Variants in TMEM141 observed in about 807,000 individuals in gnomAD.
TMEM141 encodes the protein transmembrane protein 141.
A neutral mutation model predicts 15.9 loss-of-function variants in TMEM141; 18 were observed. The ratio of observed to expected loss-of-function variants is 1.13; its 90% CI spans 0.78 to 1.68. The LOEUF (loss-of-function observed/expected upper bound fraction) is 1.68. TMEM141 is among the 40% of genes most tolerant of loss of function. The pLI, the probability that TMEM141 is intolerant of heterozygous loss-of-function variation, is 0.00. For synonymous variants in TMEM141, 69 were observed against 54.0 expected, an observed-to-expected ratio of 1.28 and a Z score of -1.22; for missense variants, 161 against 139.5, an observed-to-expected ratio of 1.15 and a Z score of -0.78.
chr9:136,792,220 C>T (rs3739946), intron 3 of TMEM141, 31 bp from the exon 4 acceptor site: 284 of 1,533,972 alleles, frequency 1.9e-4, no homozygotes, highest in Non-Finnish European at 2.4e-4. Flanking sequence ...AGCACAGAGG[C>T]CCCAGCCCTC....
intron 3 of TMEM141, 82 bp downstream of exon 3, chr9:136,792,112 C>T: frequency 6.3e-7 from 1 of 1,576,248 alleles, no homozygotes; most frequent in Non-Finnish European, 8.7e-7. Context: ...GCGTCCCTGA[C>T]TCTGACATGG....
chr9:136,792,065 A>T, intron 3 of TMEM141, 35 bp downstream of exon 3: 2 of 1,603,978 alleles, frequency 1.2e-6, no homozygotes, highest in Non-Finnish European at 8.5e-7. Flanking sequence ...GGGCTCTTTG[A>T]GGGGTGGGTT....
Position 136,792,785 on chromosome 9 carries a change from G to A in TMEM141, c.314-34G>A, listed in dbSNP as rs774032352. ...ACAGGGATGCCCAGCCACGATGGAT[G>A]TGGTTCGAGCTTGTCTCTCTTTGCC... On this transcript the variant is annotated intron_variant, in intron 4 of 4. Coordinates refer to ENST00000290079, the MANE Select transcript of TMEM141 (RefSeq NM_032928.4). 2.0e-6 allele frequency: 3 copies of A among 1,513,898 alleles called. No individual in the cohort carries two copies. The South Asian group carries it at 3.8e-5, about 19-fold the overall frequency. 93.8% of individuals were successfully genotyped at this position (1,513,898 alleles called of 1,614,324 possible).
At position 136,792,366 on chromosome 9, in the gene TMEM141, A is replaced by T; in HGVS notation, c.313+8A>T. 6.4e-7 allele frequency: 1 copy of T among 1,562,646 alleles called. No homozygotes were observed. The highest frequency in any genetic ancestry group is 8.7e-7 in the Non-Finnish European group (1 of 1,152,802). Reference sequence around the variant, plus strand: ...CCAAAGACAGGAGCACAGGTGAGAGAGCCTGGGGGTTAGCGAGAAGTGAAT... The same window carrying T: ...CCAAAGACAGGAGCACAGGTGAGAGTGCCTGGGGGTTAGCGAGAAGTGAAT... On this transcript the variant is annotated splice_region_variant and intron_variant, in intron 4 of 4. Coordinates refer to ENST00000290079, the MANE Select transcript of TMEM141 (RefSeq NM_032928.4).
In TMEM141 at chr9:136,792,191, C is replaced by T. The variant is rs555259835; in HGVS notation, c.206-60C>T. Reference sequence around the variant, plus strand: ...CGTCTGTCAGGAAGTAGCCTGTGCCCGGTTCTCTTAGCCTGGGAAGCACAG... The same window carrying T: ...CGTCTGTCAGGAAGTAGCCTGTGCCTGGTTCTCTTAGCCTGGGAAGCACAG... On this transcript the variant is annotated intron_variant, in intron 3 of 4. Coordinates refer to ENST00000290079, the MANE Select transcript of TMEM141 (RefSeq NM_032928.4). The T allele has an allele frequency of 3.5e-5, 53 of 1,522,074 alleles. No individual in the cohort carries two copies. In the Admixed American group the frequency reaches 3.9e-4, roughly 11 times the overall value. The allele number at this position is 1,522,074 out of a possible 1,614,324, so 94.3% of individuals were successfully genotyped here.
chr9:136,791,553 G>T lies in TMEM141; in HGVS notation c.54+129G>T. The T allele has an allele frequency of 1.9e-6, 3 of 1,558,224 alleles. No homozygotes were observed. The Admixed American group carries it at 5.6e-5, about 29-fold the overall frequency. ...AGGCTGGGGGCACTCTCTTGCTAAG[G>T]GGCTCAGGGCGTCCGGGTGGGCATA... is the stretch of plus-strand genomic sequence containing the variant. On this transcript the variant is annotated intron_variant, in intron 1 of 4. Transcript: ENST00000290079.
chr9:136,792,643 C>T (rs79814244), intron 4 of TMEM141, among the ~76,000 whole-genome samples, 176 bp from the exon 5 acceptor site: 2,140 of 152,316 alleles, frequency 0.014, 56 homozygotes, highest in African/African-American at 0.049. Flanking sequence ...ACAGCAGCCA[C>T]GTGGGCACCC....
intron 4 of TMEM141, 83 bp downstream of exon 4, chr9:136,792,441 A>C: frequency 8.7e-7 from 1 of 1,143,616 alleles, no homozygotes; most frequent in Non-Finnish European, 1.3e-6. Flanking sequence ...TGGGTGCACC[A>C]TGCGATAGGC....
intron 1 of TMEM141, 24 bp downstream of exon 1, chr9:136,791,448 G>A (rs1482153998): frequency 6.4e-6 from 10 of 1,551,864 alleles, no homozygotes; most frequent in African/African-American, 1.4e-5. Context: ...TCTGGGACGC[G>A]GGCCTCAAAC....
chr9:136,793,140 G>T lies in TMEM141; in HGVS notation c.*308G>T. The T allele has an allele frequency of 4.3e-6, 1 of 231,662 alleles. No homozygotes were observed. The allele number at this position is 231,662 out of a possible 1,614,324, so 14.4% of individuals were successfully genotyped here. A position where few individuals can be genotyped will look rare whatever the true frequency, so the allele number is the denominator to read the frequency against. The stretch of plus-strand genomic sequence containing the variant: ...GGGGGCCACCACCTATGGGACACGG[G>T]GTCGAAGGGGCCTGTACACTCTGTC... On this transcript the variant is annotated 3_prime_UTR_variant, in exon 5 of 5. Transcript: ENST00000290079.
At chr9:136,792,092 C>T in intron 3 of TMEM141, 62 bp downstream of exon 3, 1 of 1,599,894 alleles carries the variant, frequency 6.3e-7, no homozygotes, top group South Asian at 1.1e-5. Flanking sequence ...AGGGTTGGGG[C>T]TGTGGTTCTG....
chr9:136,791,921 T>G, intron 2 of TMEM141, 26 bp from the exon 3 acceptor site: 1 of 1,613,922 alleles, frequency 6.2e-7, no homozygotes, highest in South Asian at 1.1e-5. Context: ...CGGGTACAGG[T>G]TGATGGGGAC....
chr9:136,791,826 G>T (rs747058192), intron 2 of TMEM141, 49 bp downstream of exon 2: 2 of 1,602,048 alleles, frequency 1.2e-6, no homozygotes, highest in South Asian at 1.1e-5. Context: ...GCACCCTCCC[G>T]CCCTGCCCTG....
chr9:136,792,034 G>T lies in TMEM141; in HGVS notation c.205+4G>T. The T allele has an allele frequency of 6.2e-7, 1 of 1,613,786 alleles. No individual in the cohort carries two copies. Among genetic ancestry groups the T allele is most frequent in the South Asian group, 1.1e-5 (1 of 91,076 alleles). ...TGGAGCCTCCTAGTGGCCGTGGGTG[G>T]GTACTCCAGGGCCCCTGCCTGGGCT... On this transcript the variant is annotated splice_donor_region_variant and intron_variant, in intron 3 of 4. Transcript: ENST00000290079.
chr9:136,791,651 G>A lies in TMEM141; in HGVS notation c.55-60G>A, dbSNP rs1847590844. On this transcript the variant is annotated intron_variant, in intron 1 of 4. Transcript: ENST00000290079. ...CCAGGGTGTGCCCAGAGGAGGGACA[G>A]GAGAGGCGGTGAAGGAAGAGGGCAG... 3.1e-6 allele frequency: 5 copies of A among 1,598,934 alleles called. No individual in the cohort carries two copies. In the South Asian group the frequency reaches 3.4e-5, roughly 11 times the overall value.
At position 136,793,039 on chromosome 9, in the gene TMEM141, G is replaced by A; in HGVS notation, c.*207G>A. ...TGCCCAGGAGGTTGGAGCAGAAAGG[G>A]CTCTCCCTGGGGTGGTGTTTCTCCT... On this transcript the variant is annotated 3_prime_UTR_variant, in exon 5 of 5. Coordinates refer to ENST00000290079, the MANE Select transcript of TMEM141 (RefSeq NM_032928.4). The A allele has an allele frequency of 2.1e-6, 1 of 486,002 alleles. No homozygotes were observed. The highest frequency in any genetic ancestry group is 5.0e-5 in the East Asian group (1 of 19,880). The allele number at this position is 486,002 out of a possible 1,614,324, so 30.1% of individuals were successfully genotyped here. A position where few individuals can be genotyped will look rare whatever the true frequency, so the allele number is the denominator to read the frequency against.
At position 136,793,084 on chromosome 9, in the gene TMEM141, G is replaced by A; in HGVS notation, c.*252G>A. The A allele has an allele frequency of 3.1e-6, 1 of 327,566 alleles. No homozygotes were observed. The allele number at this position is 327,566 out of a possible 1,614,324, so 20.3% of individuals were successfully genotyped here. A position where few individuals can be genotyped will look rare whatever the true frequency, so the allele number is the denominator to read the frequency against. On this transcript the variant is annotated 3_prime_UTR_variant, in exon 5 of 5. Coordinates refer to ENST00000290079, the MANE Select transcript of TMEM141 (RefSeq NM_032928.4). ...TCTCCTCTAGGGTATTGGGATGCAT[G>A]TTCTGCACTGCCAGCAGAGAGGGTG...
rs114199786 is a variant in TMEM141, at chr9:136,792,622, G to C, written c.314-197G>C. ...AGAGGAAGGGTGCAGAGTGAAGGGTGTGGCAAGGCCACAGCAGCCACGTGG... is the reference window on the plus strand; with the variant it reads ...AGAGGAAGGGTGCAGAGTGAAGGGTCTGGCAAGGCCACAGCAGCCACGTGG... On this transcript the variant is annotated intron_variant, in intron 4 of 4. Transcript: ENST00000290079. Among the ~76,000 whole-genome samples the C allele has an allele frequency of 5.7e-3, 861 of 152,364 alleles. 12 individuals carry two copies. The highest frequency in any genetic ancestry group is 0.02 in the African/African-American group (821 of 41,580).
chr9:136,792,309 C>G lies in TMEM141; in HGVS notation c.264C>G (p.Asn88Lys). Residue 88 changes from asparagine to lysine, a missense_variant, in exon 4 of 5, where the codon AAC becomes AAG. Physicochemically the swap from Asn to Lys is moderately conservative, Grantham distance 94. Coordinates refer to ENST00000290079, the MANE Select transcript of TMEM141 (RefSeq NM_032928.4). ...GAGTGGAGTCGGAGAAATGCAACAACCTCTGGCTCTTCCTGGAGACCGGGC... is the reference window on the plus strand; with the variant it reads ...GAGTGGAGTCGGAGAAATGCAACAAGCTCTGGCTCTTCCTGGAGACCGGGC... ...VTRVESEKCNNLWLFLETGQL... is the reference protein window; with the variant it reads ...VTRVESEKCNKLWLFLETGQL... 1 of 1,590,124 alleles carries G rather than the reference C, an allele frequency of 6.3e-7. No homozygotes were observed. The highest frequency in any genetic ancestry group is 8.6e-7 in the Non-Finnish European group (1 of 1,167,872).
Sources: allele counts gnomAD v4.1 joint callset (sites outside exome capture counted in the v4.1 genomes callset), GRCh38; gene constraint gnomAD v4.1.1; transcripts MANE v1.5; gene names NCBI Gene and HGNC (gene_info 2026-07-23, HGNC 2026-07-21).